Variants in SGTB observed in about 807,000 individuals in gnomAD.
The protein encoded by SGTB is small glutamine rich tetratricopeptide repeat co-chaperone beta.
In SGTB, 19 loss-of-function variants were observed where a neutral mutation model predicts 43.9. That is an observed-to-expected ratio of 0.43 (90% CI 0.30 to 0.63). The LOEUF (loss-of-function observed/expected upper bound fraction) is 0.63. Among genes scored for constraint, SGTB ranks in the 30% least tolerant of loss-of-function variants. The pLI is 0.12. For synonymous variants in SGTB, 116 were observed against 117.3 expected (o/e 0.99, Z 0.07); for missense variants, 304 against 358.9 (o/e 0.85, Z 1.24).
intron 5 of SGTB, among the ~76,000 whole-genome samples, chr5:65,692,488 T>C (rs1433170610): frequency 1.3e-5 from 2 of 152,208 alleles, no homozygotes; most frequent in Non-Finnish European, 2.9e-5. Flanking sequence ...TTTTGTAGGC[T>C]TCATAACAAA....
intron 6 of SGTB, among the ~76,000 whole-genome samples, chr5:65,683,117 C>T (rs1240239748): frequency 6.6e-6 from 1 of 151,858 alleles, no homozygotes; most frequent in African/African-American, 2.4e-5. Flanking sequence ...CCATAAGGCA[C>T]ATTACAGTCC....
At chr5:65,709,647 G>A (rs1758007679) in intron 3 of SGTB, among the ~76,000 whole-genome samples, 1 of 152,266 alleles carries the variant, frequency 6.6e-6, no homozygotes, top group Non-Finnish European at 1.5e-5. Flanking sequence ...AAAGTGCTGG[G>A]ATTACAGGCA....
chr5:65,715,926 C>T (rs1184694316), intron 2 of SGTB, among the ~76,000 whole-genome samples: 1 of 152,180 alleles, frequency 6.6e-6, no homozygotes, highest in Non-Finnish European at 1.5e-5. Flanking sequence ...TGTGCCACCA[C>T]GCCTGGCTAA....
At chr5:65,703,449 T>TA (rs1757861112) in intron 5 of SGTB, among the ~76,000 whole-genome samples, 1 of 152,234 alleles carries the variant, frequency 6.6e-6, no homozygotes, top group Non-Finnish European at 1.5e-5. Flanking sequence ...CTCATGCTTG[T>TA]AATTCCAGCA....
At chr5:65,720,876 C>A in intron 1 of SGTB, 47 bp from the exon 2 acceptor site, 1 of 1,570,700 alleles carries the variant, frequency 6.4e-7, no homozygotes, top group Admixed American at 1.9e-5. Context: ...TTTAAAGAAT[C>A]AGTCAGGAAA....
intron 2 of SGTB, among the ~76,000 whole-genome samples, chr5:65,716,172 C>T (rs1327752564): frequency 6.6e-6 from 1 of 152,182 alleles, no homozygotes; most frequent in African/African-American, 2.4e-5. Context: ...TCTGTGAAGA[C>T]CATTCCAGGC....
At chr5:65,722,658 G>T (rs1758344946), upstream of SGTB, 2 of 511,768 alleles carry the variant, frequency 3.9e-6, no homozygotes, top group African/African-American at 2.0e-5. Context: ...TGCCTCAGCC[G>T]CAGTCAGCGA....
chr5:65,715,359 A>G (rs1398175810), intron 2 of SGTB, among the ~76,000 whole-genome samples: 2 of 152,254 alleles, frequency 1.3e-5, no homozygotes, highest in Non-Finnish European at 2.9e-5. Context: ...GAAGAATTCT[A>G]TTCAGTAATA....
intron 5 of SGTB, among the ~76,000 whole-genome samples, chr5:65,690,789 G>T (rs1419034620): frequency 1.3e-5 from 2 of 152,208 alleles, no homozygotes; most frequent in African/African-American, 4.8e-5. Context: ...GAATGGGGTA[G>T]ATGGGATAGA....
chr5:65,678,840 T>C (rs1757332339), intron 8 of SGTB, among the ~76,000 whole-genome samples: 1 of 152,042 alleles, frequency 6.6e-6, no homozygotes, highest in Admixed American at 6.5e-5. Flanking sequence ...TATACAAAAA[T>C]CAACTCAAGA....
At chr5:65,704,035 C>CAAAAAAAAAAA (rs11405488) in intron 5 of SGTB, among the ~76,000 whole-genome samples, 2 of 133,370 alleles carry the variant, frequency 1.5e-5, no homozygotes, top group African/African-American at 2.7e-5. Context: ...GACTCCGTCT[C>CAAAAAAAAAAA]AAAAAAAAAA....
intron 2 of SGTB, among the ~76,000 whole-genome samples, chr5:65,716,856 C>T (rs1281612721): frequency 2.0e-5 from 3 of 151,036 alleles, no homozygotes; most frequent in African/African-American, 4.9e-5. Flanking sequence ...GCTAAGAAGC[C>T]GAATGATATC....
intron 6 of SGTB, among the ~76,000 whole-genome samples, chr5:65,681,249 A>G (rs2150706733): frequency 6.6e-6 from 1 of 152,258 alleles, no homozygotes; most frequent in South Asian, 2.1e-4. Context: ...AACAATTAAT[A>G]TCAATTTTCC....
At chr5:65,722,472 T>G, upstream of SGTB, 1 of 1,473,202 alleles carries the variant, frequency 6.8e-7, no homozygotes, top group East Asian at 2.6e-5. Flanking sequence ...TTTCGCCGTG[T>G]GGTGCCTGGA....
chr5:65,707,494 G>T (rs1353659322), intron 4 of SGTB, among the ~76,000 whole-genome samples: 6 of 150,622 alleles, frequency 4.0e-5, no homozygotes, highest in African/African-American at 9.8e-5. Context: ...GAGTACAGTG[G>T]CGTGATCTCG....
At chr5:65,684,758 G>GCC (rs1757464045) in intron 6 of SGTB, among the ~76,000 whole-genome samples, 1 of 152,034 alleles carries the variant, frequency 6.6e-6, no homozygotes, top group African/African-American at 2.4e-5. Flanking sequence ...TCACCATGTT[G>GCC]GGCAGGCTGG....
chr5:65,685,555 T>C, intron 5 of SGTB, 83 bp from the exon 6 acceptor site: 10 of 1,093,376 alleles, frequency 9.1e-6, no homozygotes, highest in Non-Finnish European at 1.2e-5. Flanking sequence ...ATACTACCTT[T>C]TTCTTGTTCC....
At chr5:65,719,995 C>T (rs767264276) in intron 2 of SGTB, among the ~76,000 whole-genome samples, 1 of 151,914 alleles carries the variant, frequency 6.6e-6, no homozygotes, top group Non-Finnish European at 1.5e-5. Context: ...ACAAGATCTT[C>T]AGAGTATTAA....
At chr5:65,702,254 G>T (rs974416236) in intron 5 of SGTB, among the ~76,000 whole-genome samples, 2 of 151,858 alleles carry the variant, frequency 1.3e-5, no homozygotes, top group African/African-American at 4.8e-5. Flanking sequence ...AATACCGAAG[G>T]TCCCCTGGCA....
Sources: gnomAD v4.1 joint callset for allele counts (sites outside exome capture counted in the v4.1 genomes callset) on GRCh38, gnomAD v4.1.1 for gene constraint, MANE v1.5 for transcripts, NCBI Gene and HGNC (gene_info 2026-07-23, HGNC 2026-07-21) for gene names.